FYB2: variants seen among roughly 807,000 people sequenced by gnomAD.
FYB2 encodes the protein FYN binding protein 2.
FYB2 carries 103 observed loss-of-function variants against 94.1 expected under a neutral mutation model. The observed-to-expected ratio is 1.09, with a 90% CI of 0.93 to 1.29. The LOEUF (loss-of-function observed/expected upper bound fraction) is 1.29, where lower values mean the gene tolerates loss of function less well. Ranked by LOEUF, FYB2 falls within the 50% of genes most tolerant of loss-of-function variation. FYB2 has a pLI of 0.00. For missense variants in FYB2, 896 were observed against 841.5 expected (o/e 1.06, Z -0.80); for synonymous variants, 293 against 287.9 (o/e 1.02, Z -0.18).
chr1:56,823,386 T>C (rs923457290), upstream of FYB2, among the ~76,000 whole-genome samples: 1 of 152,154 alleles, frequency 6.6e-6, no homozygotes, highest in Non-Finnish European at 1.5e-5. Context: ...AAGGGATGGA[T>C]AATCAGGACA....
intron 5 of FYB2, among the ~76,000 whole-genome samples, chr1:56,762,926 T>C (rs941932552): frequency 6.6e-6 from 1 of 152,240 alleles, no homozygotes; most frequent in Admixed American, 6.5e-5. Flanking sequence ...TCCCCATCTA[T>C]TCCTATTTTA....
At chr1:56,805,910 T>G (rs1374915942) in intron 1 of FYB2, among the ~76,000 whole-genome samples, 1 of 152,192 alleles carries the variant, frequency 6.6e-6, no homozygotes, top group African/African-American at 2.4e-5. Context: ...AAACCCCTTT[T>G]GCTGTATAAA....
chr1:56,735,846 A>T (rs917582491), intron 15 of FYB2, among the ~76,000 whole-genome samples: 4 of 152,132 alleles, frequency 2.6e-5, no homozygotes, highest in Admixed American at 1.3e-4. Flanking sequence ...TTAATTACCT[A>T]GTCTCAGGTA....
At chr1:56,755,408 G>A (rs999303277) in intron 7 of FYB2, among the ~76,000 whole-genome samples, 1 of 152,124 alleles carries the variant, frequency 6.6e-6, no homozygotes, top group Non-Finnish European at 1.5e-5. Context: ...TCATACATGA[G>A]GGGTGCTTGA....
At chr1:56,738,916 G>C (rs935618165) in intron 13 of FYB2, among the ~76,000 whole-genome samples, 3 of 152,080 alleles carry the variant, frequency 2.0e-5, no homozygotes, top group Non-Finnish European at 2.9e-5. Context: ...GACAATATTT[G>C]ATCGAATTTT....
chr1:56,753,713 A>T (rs973608303), intron 8 of FYB2, 126 bp downstream of exon 8: 8 of 651,270 alleles, frequency 1.2e-5, no homozygotes, highest in African/African-American at 9.1e-5. Context: ...TCCTTGATAC[A>T]ATATCAAATG....
At chr1:56,811,387 C>T (rs1286230170) in intron 1 of FYB2, among the ~76,000 whole-genome samples, 2 of 152,220 alleles carry the variant, frequency 1.3e-5, no homozygotes, top group African/African-American at 4.8e-5. Flanking sequence ...CTGACACTCC[C>T]TTGCACTGCC....
intron 4 of FYB2, among the ~76,000 whole-genome samples, chr1:56,769,492 A>G (rs1484747905): frequency 6.6e-6 from 1 of 152,162 alleles, no homozygotes; most frequent in African/African-American, 2.4e-5. Context: ...AAGAAAGAGA[A>G]TGATGTAAAG....
chr1:56,805,134 C>T lies in FYB2; in HGVS notation c.10-12331G>A, dbSNP rs548878184. On this transcript the variant is annotated intron_variant, in intron 1 of 19. Coordinates refer to ENST00000343433, the MANE Select transcript of FYB2 (RefSeq NM_001004303.5). Reference sequence around the variant, plus strand: ...GCTCCATTTTAGTACCTTCTGCTTCCCTCTGTCTTTCCACTTATCTAATTT... The same window carrying T: ...GCTCCATTTTAGTACCTTCTGCTTCTCTCTGTCTTTCCACTTATCTAATTT... Among the ~76,000 whole-genome samples, 12 of 152,212 alleles carry T rather than the reference C, an allele frequency of 7.9e-5. No homozygotes were observed. The East Asian group carries it at 1.7e-3, about 22-fold the overall frequency.
At chr1:56,740,312 A>G (rs895341056) in intron 13 of FYB2, among the ~76,000 whole-genome samples, 3 of 152,102 alleles carry the variant, frequency 2.0e-5, no homozygotes, top group South Asian at 2.1e-4. Flanking sequence ...ATGGAACAGT[A>G]GACAAATAAA....
intron 15 of FYB2, among the ~76,000 whole-genome samples, chr1:56,735,094 G>A (rs956961832): frequency 4.2e-4 from 64 of 152,114 alleles, no homozygotes; most frequent in African/African-American, 1.5e-3. Context: ...TGATTCAGCA[G>A]TTCCATTGCT....
intron 15 of FYB2, among the ~76,000 whole-genome samples, chr1:56,732,350 G>A (rs867365115): frequency 1.2e-4 from 19 of 152,030 alleles, no homozygotes; most frequent in Admixed American, 1.0e-3. Context: ...CAAATGGAAG[G>A]ACATCTCATG....
At chr1:56,819,130 G>A (rs1646954525) in intron 1 of FYB2, 152 bp downstream of exon 1, 3 of 600,784 alleles carry the variant, frequency 5.0e-6, no homozygotes, top group Non-Finnish European at 8.7e-6. Context: ...GCCAGTGTGA[G>A]CAGAAATGCA....
intron 19 of FYB2, 101 bp from the exon 20 acceptor site, chr1:56,719,793 G>C: frequency 8.4e-7 from 1 of 1,188,354 alleles, no homozygotes; most frequent in Non-Finnish European, 1.2e-6. Flanking sequence ...TAATATGTTT[G>C]TGTTCTTTTA....
At chr1:56,728,231 G>T (rs2100517050) in intron 15 of FYB2, among the ~76,000 whole-genome samples, 1 of 151,602 alleles carries the variant, frequency 6.6e-6, no homozygotes, top group African/African-American at 2.4e-5. Flanking sequence ...ATCTTCTTTT[G>T]CTCCCAGTCT....
At chr1:56,750,000 A>G (rs1403876287) in intron 9 of FYB2, among the ~76,000 whole-genome samples, 3 of 152,010 alleles carry the variant, frequency 2.0e-5, no homozygotes, top group African/African-American at 7.2e-5. Context: ...TAGACACTGA[A>G]GTTTGATTAA....
chr1:56,760,122 T>C (rs1645455994), intron 5 of FYB2, among the ~76,000 whole-genome samples: 1 of 150,764 alleles, frequency 6.6e-6, no homozygotes, highest in Non-Finnish European at 1.5e-5. Context: ...AGCAGAACAC[T>C]GGACATTGTA....
Position 56,792,619 on chromosome 1 carries a change from T to A in FYB2, c.194A>T (p.Tyr65Phe), listed in dbSNP as rs750703816. 2 of 1,614,052 alleles carry A rather than the reference T, an allele frequency of 1.2e-6. No individual in the cohort carries two copies. Among genetic ancestry groups the A allele is most frequent in the Non-Finnish European group, 1.7e-6 (2 of 1,179,990 alleles). ...LSSNHKQRTP[Y>F]CSSSESQPLQ... ...AGGCTGGGACTCACTACTGGAACAG[T>A]ATGGTGTGCGCTGCTTGTGGTTGGA... Residue 65 changes from tyrosine (Y) to phenylalanine (F), a missense_variant, in exon 2 of 20, where the codon TAC becomes TTC. Coordinates refer to ENST00000343433, the MANE Select transcript of FYB2 (RefSeq NM_001004303.5).
intron 5 of FYB2, among the ~76,000 whole-genome samples, chr1:56,765,908 C>T (rs1420925728): frequency 6.6e-6 from 1 of 152,158 alleles, no homozygotes; most frequent in East Asian, 1.9e-4. Context: ...GTTCCATCTT[C>T]CCAGAAACAG....
Sources: allele counts gnomAD v4.1 joint callset (sites outside exome capture counted in the v4.1 genomes callset), GRCh38; gene constraint gnomAD v4.1.1; transcripts MANE v1.5; gene names NCBI Gene and HGNC (gene_info 2026-07-23, HGNC 2026-07-21).